The following FYN variants were observed in gnomAD, a reference collection of about 807,000 sequenced individuals.
FYN encodes the protein FYN proto-oncogene, Src family tyrosine kinase.
A neutral mutation model predicts 70.2 loss-of-function variants in FYN; 10 were observed. The ratio of observed to expected loss-of-function variants is 0.14; its 90% CI spans 0.09 to 0.24. The LOEUF (loss-of-function observed/expected upper bound fraction) is 0.24, where lower values mean the gene tolerates loss of function less well. FYN is among the 10% of genes least tolerant of loss of function. The pLI, the probability that FYN is intolerant of heterozygous loss-of-function variation, is 1.00. For missense variants in FYN, 319 were observed against 673.1 expected (o/e 0.47, Z 5.82); for synonymous variants, 236 against 248.6 (o/e 0.95, Z 0.48).
At chr6:111,745,775 T>C (rs559523005) in intron 3 of FYN, among the ~76,000 whole-genome samples, 1 of 152,310 alleles carries the variant, frequency 6.6e-6, no homozygotes, top group East Asian at 1.9e-4. Context: ...ACAGAACACT[T>C]TACAAAACAT....
chr6:111,728,484 C>T (rs1394696995), intron 3 of FYN, among the ~76,000 whole-genome samples: 1 of 152,146 alleles, frequency 6.6e-6, no homozygotes, highest in Non-Finnish European at 1.5e-5. Flanking sequence ...AACCCATGCC[C>T]ATTAAGCAAT....
At chr6:111,862,816 TG>T (rs1242081787) in intron 1 of FYN, among the ~76,000 whole-genome samples, 1 of 152,084 alleles carries the variant, frequency 6.6e-6, no homozygotes, top group Non-Finnish European at 1.5e-5. Context: ...ATAAAGAGAT[TG>T]GGGGAAGCTT....
At chr6:111,681,186 C>G (rs1273108763) in intron 12 of FYN, among the ~76,000 whole-genome samples, 1 of 152,076 alleles carries the variant, frequency 6.6e-6, no homozygotes, top group Non-Finnish European at 1.5e-5. Context: ...CGCCACCATG[C>G]CTGGCTAATT....
chr6:111,719,948 G>T lies in FYN; in HGVS notation c.104C>A (p.Thr35Asn). 1 of 1,614,202 alleles carries T rather than the reference G, an allele frequency of 6.2e-7. No individual in the cohort carries two copies. Among genetic ancestry groups the T allele is most frequent in the Non-Finnish European group, 8.5e-7 (1 of 1,180,036 alleles). ...ACCGAAGCTGGGGTAGTGCTGAGGGGTGGGGTCTGTGCCATAGCGGTACCC... is the reference window on the plus strand; with the variant it reads ...ACCGAAGCTGGGGTAGTGCTGAGGGTTGGGGTCTGTGCCATAGCGGTACCC... ...SSGYRYGTDP[T>N]PQHYPSFGVT... Residue 35 changes from threonine to asparagine, a missense_variant, in exon 4 of 14, where the codon ACC (threonine) becomes AAC (asparagine). This residue lies in a region of FYN where 128 missense variants were observed against 183.9 expected (regional missense o/e 0.70). Coordinates refer to ENST00000354650, the MANE Select transcript of FYN (RefSeq NM_002037.5).
At chr6:111,713,950 C>T (rs1800503559) in intron 5 of FYN, among the ~76,000 whole-genome samples, 1 of 152,350 alleles carries the variant, frequency 6.6e-6, no homozygotes, top group Non-Finnish European at 1.5e-5. Flanking sequence ...GCTAGTGTAA[C>T]ATCTGAAATG....
At chr6:111,800,135 C>T (rs772978020) in intron 2 of FYN, among the ~76,000 whole-genome samples, 9 of 152,168 alleles carry the variant, frequency 5.9e-5, no homozygotes, top group South Asian at 2.1e-4. Flanking sequence ...TTCTCTATTA[C>T]GGGTTTCTGC....
chr6:111,820,732 C>T (rs1772630314), intron 2 of FYN, among the ~76,000 whole-genome samples: 1 of 151,864 alleles, frequency 6.6e-6, no homozygotes, highest in African/African-American at 2.4e-5. Context: ...TTAGGAAAAA[C>T]AGATGCATAA....
chr6:111,820,622 A>C (rs774327237), intron 2 of FYN, among the ~76,000 whole-genome samples: 5 of 152,178 alleles, frequency 3.3e-5, no homozygotes, highest in Non-Finnish European at 7.4e-5. Flanking sequence ...ATCTAACTGA[A>C]TGTGCAAAAA....
intron 2 of FYN, among the ~76,000 whole-genome samples, chr6:111,839,699 A>G (rs1220539477): frequency 1.3e-5 from 2 of 152,208 alleles, no homozygotes; most frequent in African/African-American, 2.4e-5. Flanking sequence ...CAAGAAAGTT[A>G]TAAGAACTAG....
At chr6:111,817,985 T>C (rs1475944669) in intron 2 of FYN, among the ~76,000 whole-genome samples, 1 of 152,212 alleles carries the variant, frequency 6.6e-6, no homozygotes, top group Non-Finnish European at 1.5e-5. Flanking sequence ...TCTATGCACA[T>C]GTGCCCTGAA....
chr6:111,759,474 G>A (rs1223958849), intron 3 of FYN, among the ~76,000 whole-genome samples: 4 of 152,078 alleles, frequency 2.6e-5, no homozygotes, highest in African/African-American at 9.7e-5. Flanking sequence ...TCCAGCCCTC[G>A]TGCAGTGGTG....
chr6:111,808,085 G>A (rs1361847465), intron 2 of FYN, among the ~76,000 whole-genome samples: 1 of 152,026 alleles, frequency 6.6e-6, no homozygotes, highest in African/African-American at 2.4e-5. Flanking sequence ...TCCAGCCTGG[G>A]CGATAGAGCA....
rs73764306 is a variant in FYN at position 111,848,756 on chromosome 6, C to T, written c.-122-2127G>A. ...AGAGTGGCATTTGCTTTTAAAACCACGTATATCTTTCTTAAGGCTGTCTTT... is the reference window on the plus strand; with the variant it reads ...AGAGTGGCATTTGCTTTTAAAACCATGTATATCTTTCTTAAGGCTGTCTTT... On this transcript the variant is annotated intron_variant, in intron 1 of 13. Coordinates refer to ENST00000354650, the MANE Select transcript of FYN (RefSeq NM_002037.5). Among the ~76,000 whole-genome samples the T allele has an allele frequency of 6.7e-3, 1,022 of 152,188 alleles. 11 individuals carry two copies. The highest frequency in any genetic ancestry group is 0.023 in the African/African-American group (966 of 41,522).
At chr6:111,731,154 G>A (rs1174728496) in intron 3 of FYN, among the ~76,000 whole-genome samples, 1 of 152,164 alleles carries the variant, frequency 6.6e-6, no homozygotes, top group South Asian at 2.1e-4. Flanking sequence ...AACAAAACCC[G>A]CCCTGCCAAT....
chr6:111,735,208 AT>A (rs1235825109), intron 3 of FYN, among the ~76,000 whole-genome samples: 1 of 152,214 alleles, frequency 6.6e-6, no homozygotes, highest in African/African-American at 2.4e-5. Flanking sequence ...TGCCAAGCAT[AT>A]TTCGAGGCTT....
At chr6:111,804,011 G>C (rs993924743) in intron 2 of FYN, among the ~76,000 whole-genome samples, 6 of 152,156 alleles carry the variant, frequency 3.9e-5, no homozygotes, top group Non-Finnish European at 7.3e-5. Flanking sequence ...GGTTTCCCAC[G>C]TGCTAATTGA....
intron 3 of FYN, among the ~76,000 whole-genome samples, chr6:111,752,466 A>C (rs1198273089): frequency 6.6e-6 from 1 of 152,268 alleles, no homozygotes; most frequent in Non-Finnish European, 1.5e-5. Context: ...TGGAGAGATC[A>C]GTCAAGGCTC....
rs1773535720 is a variant in FYN, at chr6:111,846,610, A to G, written c.-103T>C. ...TTACTTTTTCCACGTTTAGATCAGC[A>G]TCCTGCTTCTTCAAAAAAACTGTAG... On this transcript the variant is annotated 5_prime_UTR_variant, in exon 2 of 14. An upstream start codon of the reference 5' UTR is lost. Transcript: ENST00000354650. The G allele has an allele frequency of 2.5e-6, 1 of 398,852 alleles. No individual in the cohort carries two copies. The highest frequency in any genetic ancestry group is 2.1e-5 in the African/African-American group (1 of 48,600). The allele number at this position is 398,852 out of a possible 1,614,324, so 24.7% of individuals were successfully genotyped here. A position where few individuals can be genotyped will look rare whatever the true frequency, so the allele number is the denominator to read the frequency against.
intron 3 of FYN, among the ~76,000 whole-genome samples, chr6:111,729,545 TA>T (rs1223644949): frequency 6.6e-6 from 1 of 151,980 alleles, no homozygotes; most frequent in African/African-American, 2.4e-5. Context: ...ACACGCCTTT[TA>T]AAAAAATGAC....
Sources: gnomAD v4.1 joint callset for allele counts (sites outside exome capture counted in the v4.1 genomes callset) on GRCh38, gnomAD v4.1.1 for gene constraint, gnomAD v4.1.1 regional missense constraint, MANE v1.5 for transcripts, NCBI Gene and HGNC (gene_info 2026-07-23, HGNC 2026-07-21) for gene names.